Variants in ACOT7 observed in about 807,000 individuals in gnomAD.
ACOT7 encodes acyl-CoA thioesterase 7.
ACOT7 carries 12 observed loss-of-function variants against 40.2 expected under a neutral mutation model. The observed-to-expected ratio is 0.30, with a 90% CI of 0.19 to 0.48. The LOEUF (loss-of-function observed/expected upper bound fraction) is 0.48. Among genes scored for constraint, ACOT7 ranks in the 20% least tolerant of loss-of-function variants. The probability of loss-of-function intolerance (pLI) is 0.99; values close to 1 mark genes in which losing one functional copy is unlikely to be tolerated. For missense variants in ACOT7, 395 were observed against 530.8 expected, an observed-to-expected ratio of 0.74 and a Z score of 2.51; for synonymous variants, 228 against 219.5, an observed-to-expected ratio of 1.04 and a Z score of -0.34.
intron 7 of ACOT7, among the ~76,000 whole-genome samples, chr1:6,283,198 C>T (rs938735887): frequency 1.3e-5 from 2 of 152,196 alleles, no homozygotes; most frequent in Non-Finnish European, 2.9e-5. Context: ...GAGTCTCGCT[C>T]TATTGCCCAG....
intron 6 of ACOT7, among the ~76,000 whole-genome samples, chr1:6,305,820 TG>T (rs890043926): frequency 6.6e-6 from 1 of 152,064 alleles, no homozygotes; most frequent in African/African-American, 2.4e-5. Context: ...CTCGGCACTT[TG>T]GGGGGCCAAG....
chr1:6,279,944 C>T (rs1167407494), intron 8 of ACOT7, among the ~76,000 whole-genome samples: 1 of 152,190 alleles, frequency 6.6e-6, no homozygotes, highest in African/African-American at 2.4e-5. Context: ...GCTCCAGGCT[C>T]TGAGAGGAAT....
At chr1:6,361,022 G>A (rs1431395501) in intron 1 of ACOT7, among the ~76,000 whole-genome samples, 3 of 152,156 alleles carry the variant, frequency 2.0e-5, no homozygotes, top group Admixed American at 2.0e-4. Flanking sequence ...TTGACAAAAC[G>A]AGATGTCTAG....
intron 1 of ACOT7, among the ~76,000 whole-genome samples, chr1:6,369,395 TTTC>T: frequency 1.4e-5 from 2 of 146,482 alleles, no homozygotes; most frequent in East Asian, 4.0e-4. Context: ...ACAAAATGCA[TTTC>T]TTTTTTTTTT....
chr1:6,360,021 C>T (rs143793150), intron 1 of ACOT7, among the ~76,000 whole-genome samples: 1 of 152,362 alleles, frequency 6.6e-6, no homozygotes, highest in East Asian at 1.9e-4. Context: ...GGAAGTCACT[C>T]TGGTAAAAGT....
In ACOT7 at chr1:6,289,640, T is replaced by C. The variant is rs1428557013; in HGVS notation, c.829+5224A>G. The stretch of plus-strand genomic sequence containing the variant: ...CTTCCTGCCTCAGCCTCACAAAGTG[T>C]TGGAATTACAAGCGTGAGCCACTGT... On this transcript the variant is annotated intron_variant, in intron 7 of 8. Coordinates refer to ENST00000361521, the MANE Select transcript of ACOT7 (RefSeq NM_007274.4). This position sits in a 1 kb window ranked among gnomAD's most constrained non-coding sequence, Gnocchi z 4.6. Among the ~76,000 whole-genome samples, 1 of 151,976 alleles carries C rather than the reference T, an allele frequency of 6.6e-6. No individual in the cohort carries two copies. Among genetic ancestry groups the C allele is most frequent in the Non-Finnish European group, 1.5e-5 (1 of 67,980 alleles).
intron 1 of ACOT7, among the ~76,000 whole-genome samples, chr1:6,389,160 T>C (rs1254503884): frequency 6.6e-6 from 1 of 152,178 alleles, no homozygotes; most frequent in East Asian, 1.9e-4. Flanking sequence ...TTTATTGACC[T>C]GTCAACTAGA....
intron 1 of ACOT7, among the ~76,000 whole-genome samples, chr1:6,375,437 G>A (rs540255679): frequency 9.2e-5 from 14 of 152,206 alleles, no homozygotes; most frequent in South Asian, 6.2e-4. Flanking sequence ...GGAGGTAGAC[G>A]CGGGCGGATC....
intron 3 of ACOT7, among the ~76,000 whole-genome samples, chr1:6,334,462 C>T (rs944347022): frequency 3.9e-5 from 6 of 152,228 alleles, no homozygotes; most frequent in African/African-American, 7.2e-5. Flanking sequence ...GCAGGGGGGA[C>T]GGCCAGGGCC....
intron 5 of ACOT7, among the ~76,000 whole-genome samples, chr1:6,326,055 C>T (rs554771297): frequency 1.3e-5 from 2 of 152,206 alleles, no homozygotes; most frequent in South Asian, 2.1e-4. Context: ...TCTCCCAAGG[C>T]ATGGTGGGGG....
chr1:6,382,845 AC>A (rs1361993806), intron 1 of ACOT7, among the ~76,000 whole-genome samples: 1 of 151,524 alleles, frequency 6.6e-6, no homozygotes, highest in African/African-American at 2.4e-5. Flanking sequence ...TTAACCATAT[AC>A]ATATACACAT....
intron 8 of ACOT7, among the ~76,000 whole-genome samples, chr1:6,265,356 T>C (rs910010972): frequency 1.3e-5 from 2 of 152,160 alleles, no homozygotes; most frequent in African/African-American, 4.8e-5. Flanking sequence ...GGGCAGATGC[T>C]GTGCTGCCTA....
At position 6,340,605 on chromosome 1, in the gene ACOT7, G is replaced by A. The variant is rs574995337; in HGVS notation, c.262-1016C>T. Among the ~76,000 whole-genome samples, 4 of 152,148 alleles carry A rather than the reference G, an allele frequency of 2.6e-5. No individual in the cohort carries two copies. The East Asian group carries it at 7.7e-4, about 29-fold the overall frequency. ...GTGGGTTTTGTTGTCTCACTTGTTC[G>A]TCTGCCTGGCTCGTTTCACAGTTTT... On this transcript the variant is annotated intron_variant, in intron 2 of 8. Coordinates refer to ENST00000361521, the MANE Select transcript of ACOT7 (RefSeq NM_007274.4).
chr1:6,301,614 CTGAA>C lies in ACOT7; in HGVS notation c.713-6638_713-6635del, dbSNP rs1639976208. Among the ~76,000 whole-genome samples the C allele has an allele frequency of 6.6e-6, 1 of 152,204 alleles. No homozygotes were observed. The highest frequency in any genetic ancestry group is 2.4e-5 in the African/African-American group (1 of 41,450). On this transcript the variant is annotated intron_variant, in intron 6 of 8. Coordinates refer to ENST00000361521, the MANE Select transcript of ACOT7 (RefSeq NM_007274.4). This position sits in a 1 kb window ranked among gnomAD's most constrained non-coding sequence, Gnocchi z 4.1. The stretch of plus-strand genomic sequence containing the variant: ...GCATCTGGTGCTCAGGAAATGGTTG[CTGAA>C]TGAATGAATTAATCAATGAATGAAT...
At chr1:6,293,812 T>C (rs1329601990) in intron 7 of ACOT7, among the ~76,000 whole-genome samples, 2 of 152,240 alleles carry the variant, frequency 1.3e-5, no homozygotes, top group South Asian at 2.1e-4. Context: ...CTTCTCTCAG[T>C]AATTCCAGGG....
At chr1:6,374,978 G>A (rs1228401693) in intron 1 of ACOT7, among the ~76,000 whole-genome samples, 1 of 152,146 alleles carries the variant, frequency 6.6e-6, no homozygotes, top group African/African-American at 2.4e-5. Context: ...GAAAGACACT[G>A]TTAAGATAAT....
intron 1 of ACOT7, 72 bp downstream of exon 1, chr1:6,393,185 C>A (rs1642563638): frequency 3.3e-6 from 4 of 1,210,392 alleles, no homozygotes; most frequent in Non-Finnish European, 4.1e-6. Context: ...GACCACAGAG[C>A]CAAGCGGGGC....
chr1:6,345,011 C>A (rs1271093260), intron 2 of ACOT7, among the ~76,000 whole-genome samples: 3 of 152,108 alleles, frequency 2.0e-5, no homozygotes, highest in Non-Finnish European at 4.4e-5. Flanking sequence ...CAGGAGCGGG[C>A]AGGGCTCTGG....
intron 1 of ACOT7, among the ~76,000 whole-genome samples, chr1:6,391,462 G>A (rs1296270404): frequency 6.6e-6 from 1 of 152,002 alleles, no homozygotes; most frequent in African/African-American, 2.4e-5. Context: ...GCTGAGATCG[G>A]GCCACTGCAC....
Sources: allele counts gnomAD v4.1 joint callset (sites outside exome capture counted in the v4.1 genomes callset), GRCh38; gene constraint gnomAD v4.1.1; non-coding constraint Gnocchi (gnomAD v3.1); transcripts MANE v1.5; gene names NCBI Gene and HGNC (gene_info 2026-07-23, HGNC 2026-07-21).